ASCC3: variants seen among roughly 807,000 people sequenced by gnomAD.
ASCC3 encodes ASC-1 complex subunit P200.
ASCC3 carries 158 observed loss-of-function variants against 256.3 expected under a neutral mutation model. The ratio of observed to expected loss-of-function variants is 0.62; its 90% CI spans 0.54 to 0.70. ASCC3 has a LOEUF of 0.70. ASCC3 is among the 30% of genes least tolerant of loss of function. The probability of loss-of-function intolerance (pLI) is 0.00; values close to 1 mark genes in which losing one functional copy is unlikely to be tolerated. For synonymous variants in ASCC3, 948 were observed against 883.4 expected (o/e 1.07, Z -1.30); for missense variants, 2,259 against 2,626.0 (o/e 0.86, Z 3.05).
intron 8 of ASCC3, among the ~76,000 whole-genome samples, chr6:100,771,749 T>C (rs908560612): frequency 2.0e-5 from 3 of 148,662 alleles, no homozygotes; most frequent in African/African-American, 7.5e-5. Flanking sequence ...ATTGGCAAAA[T>C]GTTTAATAAT....
chr6:100,594,781 A>G (rs1340025581), intron 34 of ASCC3, among the ~76,000 whole-genome samples: 4 of 152,142 alleles, frequency 2.6e-5, no homozygotes, highest in Non-Finnish European at 4.4e-5. Context: ...TGGAAACAAT[A>G]TAAGTGCTCA....
chr6:100,685,243 C>T (rs1255172404), intron 13 of ASCC3, among the ~76,000 whole-genome samples: 1 of 152,128 alleles, frequency 6.6e-6, no homozygotes, highest in Non-Finnish European at 1.5e-5. Flanking sequence ...CATTATGTGG[C>T]ACATATGGCA....
intron 13 of ASCC3, among the ~76,000 whole-genome samples, chr6:100,702,875 C>T (rs1344996531): frequency 6.6e-6 from 1 of 151,990 alleles, no homozygotes; most frequent in Non-Finnish European, 1.5e-5. Context: ...TTTGAATTTT[C>T]CTTGATATTT....
At chr6:100,715,582 T>C (rs1779052510) in intron 12 of ASCC3, 49 bp from the exon 13 acceptor site, 2 of 1,520,104 alleles carry the variant, frequency 1.3e-6, no homozygotes, top group African/African-American at 1.4e-5. Flanking sequence ...AATTATAAAC[T>C]TTCTAACTAC....
intron 13 of ASCC3, among the ~76,000 whole-genome samples, chr6:100,685,095 C>A (rs1582693819): frequency 6.6e-6 from 1 of 152,132 alleles, no homozygotes; most frequent in African/African-American, 2.4e-5. Flanking sequence ...GCGTGAGCCA[C>A]CATGCGCGGC....
intron 16 of ASCC3, 115 bp downstream of exon 16, chr6:100,661,691 T>C (rs1562207278): frequency 1.0e-6 from 1 of 1,000,224 alleles, no homozygotes; most frequent in Non-Finnish European, 1.6e-6. Context: ...ATAACTTATA[T>C]GGCATAGGCT....
chr6:100,696,890 G>A (rs1778110390), intron 13 of ASCC3, among the ~76,000 whole-genome samples: 1 of 151,958 alleles, frequency 6.6e-6, no homozygotes, highest in African/African-American at 2.4e-5. Context: ...AATTATATAT[G>A]TGTATACATA....
chr6:100,608,794 C>T (rs1221902879), intron 30 of ASCC3, among the ~76,000 whole-genome samples: 3 of 101,434 alleles, frequency 3.0e-5, no homozygotes, highest in East Asian at 2.7e-4. Context: ...GGCAGAGTCT[C>T]GCTACGTTGC....
At chr6:100,700,438 A>G (rs1477776483) in intron 13 of ASCC3, among the ~76,000 whole-genome samples, 2 of 152,156 alleles carry the variant, frequency 1.3e-5, no homozygotes, top group Non-Finnish European at 2.9e-5. Context: ...CTCCACACAG[A>G]GTCCCTACTG....
At position 100,798,773 on chromosome 6, in the gene ASCC3, G is replaced by T; in HGVS notation, c.1335C>A (p.Tyr445Ter). ...NKLYEEVRIPYSEPMPLSFEE... is the reference protein window; with the variant it reads ...NKLYEEVRIP ...CAAAGCTGAGTGGCATTGGTTCGCT[G>T]TAGGGAATCCTTACTTCTTCATAAA... The change falls in exon 8 of 42, where the codon TAC (tyrosine) becomes TAA (stop). Residue 445 changes from tyrosine to a stop codon, truncating the protein, a stop_gained. Transcript: ENST00000369162. LOFTEE classifies it high-confidence loss of function. 6.2e-7 allele frequency: 1 copy of T among 1,613,052 alleles called. No individual in the cohort carries two copies. Among genetic ancestry groups the T allele is most frequent in the Non-Finnish European group, 8.5e-7 (1 of 1,179,516 alleles).
intron 4 of ASCC3, among the ~76,000 whole-genome samples, chr6:100,835,375 T>C (rs1161770000): frequency 1.3e-5 from 2 of 152,142 alleles, no homozygotes; most frequent in East Asian, 1.9e-4. Flanking sequence ...GAAGCATTTC[T>C]CTTATGTTGT....
chr6:100,536,753 G>T (rs1002438014), intron 37 of ASCC3, among the ~76,000 whole-genome samples: 3 of 152,142 alleles, frequency 2.0e-5, no homozygotes, highest in Non-Finnish European at 2.9e-5. Context: ...GGTATGAACT[G>T]CCATGCCCAG....
chr6:100,548,384 T>C (rs1354124979), intron 36 of ASCC3, among the ~76,000 whole-genome samples: 2 of 151,938 alleles, frequency 1.3e-5, no homozygotes, highest in East Asian at 1.9e-4. Flanking sequence ...GCCAAGTATA[T>C]ACTACAAAAG....
chr6:100,772,428 G>A (rs1254449766), intron 8 of ASCC3, among the ~76,000 whole-genome samples: 1 of 151,960 alleles, frequency 6.6e-6, no homozygotes, highest in Non-Finnish European at 1.5e-5. Context: ...ACAGATAAAT[G>A]GATAAACAAA....
chr6:100,510,492 T>G (rs1773707055), intron 40 of ASCC3, among the ~76,000 whole-genome samples: 1 of 152,144 alleles, frequency 6.6e-6, no homozygotes, highest in Non-Finnish European at 1.5e-5. Flanking sequence ...TTCCAAAACC[T>G]TATTCACCAA....
intron 10 of ASCC3, among the ~76,000 whole-genome samples, chr6:100,727,108 T>C (rs1382899962): frequency 6.6e-6 from 1 of 152,134 alleles, no homozygotes; most frequent in African/African-American, 2.4e-5. Context: ...ATAGTAAAAT[T>C]ACACTATTTT....
chr6:100,857,036 T>C (rs1170721852), intron 3 of ASCC3: 2 of 152,162 alleles, frequency 1.3e-5, no homozygotes, highest in Non-Finnish European at 1.5e-5. Flanking sequence ...GTTGTACCAA[T>C]TGTAAACTCT....
rs115259854 is a variant in ASCC3, at chr6:100,551,867, T to C, written c.5551-11480A>G. On this transcript the variant is annotated intron_variant, in intron 36 of 41. Transcript: ENST00000369162. The stretch of plus-strand genomic sequence containing the variant: ...AATAAAGGGAATCCAAAGAATGTGG[T>C]AGTAAGTAACTCATCCCTTTAGAGA... Among the ~76,000 whole-genome samples the C allele has an allele frequency of 6.6e-3, 1,009 of 152,086 alleles. 13 individuals are homozygous for C. Among genetic ancestry groups the C allele is most frequent in the African/African-American group, 0.023 (954 of 41,522 alleles).
intron 8 of ASCC3, among the ~76,000 whole-genome samples, chr6:100,771,982 C>T (rs920135042): frequency 2.9e-4 from 44 of 149,262 alleles, no homozygotes; most frequent in African/African-American, 1.1e-3. Flanking sequence ...CAGGTTCACA[C>T]CATTCTCCTG....
Sources: gnomAD v4.1 joint callset for allele counts (sites outside exome capture counted in the v4.1 genomes callset) on GRCh38, gnomAD v4.1.1 for gene constraint, MANE v1.5 for transcripts, NCBI Gene and HGNC (gene_info 2026-07-23, HGNC 2026-07-21) for gene names.